Variants in TEX2 observed in about 807,000 individuals in gnomAD.
TEX2 encodes the protein testis-expressed protein 2.
TEX2 carries 53 observed loss-of-function variants against 106.9 expected under a neutral mutation model. That is an observed-to-expected ratio of 0.50 (90% CI 0.40 to 0.62). The LOEUF (loss-of-function observed/expected upper bound fraction) is 0.62. Among genes scored for constraint, TEX2 ranks in the 20% least tolerant of loss-of-function variants. TEX2 has a pLI of 0.00. For missense variants in TEX2, 1,207 were observed against 1,379.0 expected (o/e 0.88, Z 1.98); for synonymous variants, 523 against 534.8 (o/e 0.98, Z 0.30).
intron 1 of TEX2, among the ~76,000 whole-genome samples, chr17:64,249,752 C>G (rs1029155525): frequency 1.3e-5 from 2 of 152,150 alleles, no homozygotes; most frequent in African/African-American, 4.8e-5. Context: ...ATAAAATTCA[C>G]TTCAGGCTAT....
chr17:64,241,199 C>T (rs72854539), intron 1 of TEX2, among the ~76,000 whole-genome samples: 167 of 152,312 alleles, frequency 1.1e-3, no homozygotes, highest in Admixed American at 4.2e-3. Flanking sequence ...GTCTGGAAGA[C>T]AGTTGGGAAC....
chr17:64,258,194 G>T (rs2034221372), intron 1 of TEX2, among the ~76,000 whole-genome samples: 1 of 152,104 alleles, frequency 6.6e-6, no homozygotes, highest in Non-Finnish European at 1.5e-5. Context: ...TTACAGGTGT[G>T]AGCCACCGCA....
In TEX2 at chr17:64,153,653, T is replaced by G. The variant is rs544481885; in HGVS notation, c.2931-499A>C. 1.3e-5 allele frequency among the ~76,000 whole-genome samples: 2 copies of G among 152,354 alleles called. No homozygotes were observed. Among genetic ancestry groups the G allele is most frequent in the South Asian group, 2.1e-4 (1 of 4,830 alleles). ...GGACATAAATCAGTAATTAATGGACTGTCTTTAGGTGGTGTCACATGGCTA... is the reference window on the plus strand; with the variant it reads ...GGACATAAATCAGTAATTAATGGACGGTCTTTAGGTGGTGTCACATGGCTA... On this transcript the variant is annotated intron_variant, in intron 9 of 11. Coordinates refer to ENST00000584379, the MANE Select transcript of TEX2 (RefSeq NM_001288732.2). The surrounding 1 kb of genome is among the most constrained non-coding windows in gnomAD (Gnocchi z 4.1).
intron 5 of TEX2, among the ~76,000 whole-genome samples, chr17:64,178,212 G>C (rs1024235778): frequency 6.6e-6 from 1 of 152,172 alleles, no homozygotes; most frequent in East Asian, 1.9e-4. Flanking sequence ...TGTGTGAGGT[G>C]GGGGAGAAAG....
At chr17:64,236,260 G>A (rs1820845649) in intron 1 of TEX2, among the ~76,000 whole-genome samples, 1 of 152,132 alleles carries the variant, frequency 6.6e-6, no homozygotes, top group African/African-American at 2.4e-5. Flanking sequence ...GATATTACAG[G>A]TAATCTAGAG....
At chr17:64,162,237 G>A (rs2030921239) in intron 7 of TEX2, among the ~76,000 whole-genome samples, 1 of 152,098 alleles carries the variant, frequency 6.6e-6, no homozygotes. Context: ...CTCTTCAAAG[G>A]TACTATTACT....
intron 7 of TEX2, among the ~76,000 whole-genome samples, chr17:64,163,849 G>A (rs919704143): frequency 1.3e-5 from 2 of 152,340 alleles, no homozygotes; most frequent in Non-Finnish European, 2.9e-5. Context: ...CTAGAGGAAT[G>A]CGGTTACAGG....
chr17:64,228,806 C>G (rs570566901), intron 1 of TEX2, among the ~76,000 whole-genome samples: 2 of 152,198 alleles, frequency 1.3e-5, no homozygotes, highest in East Asian at 3.9e-4. Flanking sequence ...GTAGTGCGCA[C>G]AAATAAAGTT....
chr17:64,205,967 T>C lies in TEX2; in HGVS notation c.1644+6607A>G. ...ATAATTCAAAATTGCATCTGAGTCA[T>C]ATACTCAAACATAAATCCAAGACCC... On this transcript the variant is annotated intron_variant, in intron 2 of 11. Coordinates refer to ENST00000584379, the MANE Select transcript of TEX2 (RefSeq NM_001288732.2). The surrounding 1 kb of genome is among the most constrained non-coding windows in gnomAD (Gnocchi z 4.0). Among the ~76,000 whole-genome samples the C allele has an allele frequency of 6.6e-6, 1 of 152,218 alleles. No individual in the cohort carries two copies. The highest frequency in any genetic ancestry group is 1.9e-4 in the East Asian group (1 of 5,200).
At chr17:64,248,254 T>C (rs778802168) in intron 1 of TEX2, among the ~76,000 whole-genome samples, 90 of 152,136 alleles carry the variant, frequency 5.9e-4, no homozygotes, top group Non-Finnish European at 1.0e-3. Flanking sequence ...AAAAGAAAAA[T>C]TGGTACACTA....
chr17:64,232,682 C>T (rs1225568988), intron 1 of TEX2, among the ~76,000 whole-genome samples: 1 of 152,194 alleles, frequency 6.6e-6, no homozygotes, highest in African/African-American at 2.4e-5. Context: ...TCAGAAACTC[C>T]TATTATGTCA....
chr17:64,240,484 G>A (rs1555635638), intron 1 of TEX2, among the ~76,000 whole-genome samples: 4 of 152,118 alleles, frequency 2.6e-5, no homozygotes, highest in East Asian at 3.8e-4. Context: ...TCAGACAGGC[G>A]CCTGGTGCAG....
chr17:64,199,132 T>C (rs935302259), intron 2 of TEX2, among the ~76,000 whole-genome samples: 1 of 152,244 alleles, frequency 6.6e-6, no homozygotes, highest in Non-Finnish European at 1.5e-5. Context: ...TTTCATTTCG[T>C]CTTTCCTAAA....
In TEX2 at chr17:64,213,480, C is replaced by A. The variant is rs1555632058; in HGVS notation, c.738G>T (p.Leu246=). 3 of 1,614,184 alleles carry A rather than the reference C, an allele frequency of 1.9e-6. No individual in the cohort carries two copies. The highest frequency in any genetic ancestry group is 4.5e-5 in the East Asian group (2 of 44,884). The change falls in exon 2 of 12, where the codon CTG becomes CTT. Residue 246 remains leucine (L), a synonymous_variant. Coordinates refer to ENST00000584379, the MANE Select transcript of TEX2 (RefSeq NM_001288732.2). This position sits in a 1 kb window ranked among gnomAD's most constrained non-coding sequence, Gnocchi z 4.4. ...KPPDSKLNLH[L]FKQFTQPRNT... is the part of the protein sequence containing the mutation. ...TTCGGGGCTGTGTGAACTGCTTGAA[C>A]AGGTGTAAGTTCAGTTTGGAATCAG... is the stretch of plus-strand genomic sequence containing the variant.
intron 1 of TEX2, among the ~76,000 whole-genome samples, chr17:64,228,929 T>TACACACACACACAC (rs57741930): frequency 2.0e-5 from 3 of 146,648 alleles, no homozygotes; most frequent in Admixed American, 1.4e-4. Flanking sequence ...GACTGACAGG[T>TACACACACACACAC]ACACACACAC....
At chr17:64,194,170 A>G (rs2032389906) in intron 3 of TEX2, among the ~76,000 whole-genome samples, 1 of 152,232 alleles carries the variant, frequency 6.6e-6, no homozygotes. Context: ...AATAATGTTT[A>G]GCTGCTTATC....
At chr17:64,233,314 C>T (rs1345459605) in intron 1 of TEX2, among the ~76,000 whole-genome samples, 26 of 152,200 alleles carry the variant, frequency 1.7e-4, no homozygotes, top group Admixed American at 1.4e-3. Context: ...TGGCTCGCGC[C>T]TGTAATCCCA....
intron 6 of TEX2, 149 bp downstream of exon 6, chr17:64,177,176 T>C: frequency 1.2e-6 from 1 of 827,062 alleles, no homozygotes; most frequent in East Asian, 2.5e-5. Flanking sequence ...CAGTCTGTGA[T>C]CAAGGTCAGA....
chr17:64,150,909 C>T lies in TEX2; in HGVS notation c.3193G>A (p.Gly1065Arg). Residue 1065 changes from glycine to arginine, a missense_variant, in exon 11 of 12, where the codon GGA becomes AGA. Physicochemically the swap from Gly to Arg is moderately radical, Grantham distance 125. Around this residue, in one of 3 missense-constraint regions of TEX2, gnomAD observed 63 missense variants for 112.2 expected, o/e 0.56. Coordinates refer to ENST00000584379, the MANE Select transcript of TEX2 (RefSeq NM_001288732.2). The stretch of plus-strand genomic sequence containing the variant: ...TGAACTAAAGTCACTTCTCTCTCTC[C>T]AAGTTTTGGCCGAGCTTTCAGCTCC... ...HVELKARPKL[G>R]EREVTLVHVT... 6.2e-7 allele frequency: 1 copy of T among 1,613,942 alleles called. No homozygotes were observed. The highest frequency in any genetic ancestry group is 1.7e-5 in the Admixed American group (1 of 59,972).
Sources: allele counts gnomAD v4.1 joint callset (sites outside exome capture counted in the v4.1 genomes callset), GRCh38; gene constraint gnomAD v4.1.1; regional missense constraint gnomAD v4.1.1; non-coding constraint Gnocchi (gnomAD v3.1); transcripts MANE v1.5; gene names NCBI Gene and HGNC (gene_info 2026-07-23, HGNC 2026-07-21).